CABLES1: variants seen among roughly 807,000 people sequenced by gnomAD.
CABLES1 encodes CDK5 and ABL1 enzyme substrate 1.
A neutral mutation model predicts 57.8 loss-of-function variants in CABLES1; 36 were observed. The ratio of observed to expected loss-of-function variants is 0.62; its 90% confidence interval spans 0.48 to 0.82. The LOEUF (loss-of-function observed/expected upper bound fraction) is 0.82, where lower values mean the gene tolerates loss of function less well. Ranked by LOEUF, CABLES1 falls within the 40% of genes least tolerant of loss-of-function variation. CABLES1 has a pLI of 0.00. For synonymous variants in CABLES1, 374 were observed against 363.0 expected (o/e 1.03, Z -0.35); for missense variants, 767 against 836.6 (o/e 0.92, Z 1.03).
At chr18:23,229,188 G>A (rs891192636) in intron 4 of CABLES1, among the ~76,000 whole-genome samples, 2 of 152,290 alleles carry the variant, frequency 1.3e-5, no homozygotes, top group South Asian at 2.1e-4. Flanking sequence ...TGAGGAGGGC[G>A]GATCAACTGA....
intron 7 of CABLES1, among the ~76,000 whole-genome samples, chr18:23,249,850 C>T (rs996494092): frequency 3.9e-5 from 6 of 152,112 alleles, no homozygotes; most frequent in African/African-American, 1.2e-4. Flanking sequence ...TATTCAGTAC[C>T]ATGAAGGAGA....
At chr18:23,198,619 G>A (rs1344709026) in intron 3 of CABLES1, among the ~76,000 whole-genome samples, 2 of 152,224 alleles carry the variant, frequency 1.3e-5, no homozygotes, top group African/African-American at 2.4e-5. Flanking sequence ...CCTTAAAAGC[G>A]GAAGAAGGAG....
intron 1 of CABLES1, among the ~76,000 whole-genome samples, chr18:23,163,600 A>G (rs1360132711): frequency 6.6e-6 from 1 of 152,032 alleles, no homozygotes; most frequent in African/African-American, 2.4e-5. Context: ...GAGGAGAGAG[A>G]AGAAAGGATG....
At chr18:23,239,029 C>A (rs979463979) in intron 7 of CABLES1, among the ~76,000 whole-genome samples, 73 of 152,230 alleles carry the variant, frequency 4.8e-4, no homozygotes, top group African/African-American at 1.8e-3. Context: ...GCCGACCTCT[C>A]CTTTTATAGG....
intron 7 of CABLES1, among the ~76,000 whole-genome samples, chr18:23,248,190 CGCAGGG>C (rs574144730): frequency 8.9e-4 from 135 of 152,298 alleles, no homozygotes; most frequent in African/African-American, 2.2e-3. Flanking sequence ...GGGAGTGTGG[CGCAGGG>C]GCAGGGGCAG....
chr18:23,147,557 T>A (rs2046899259), intron 1 of CABLES1, among the ~76,000 whole-genome samples: 3 of 152,226 alleles, frequency 2.0e-5, no homozygotes, highest in Admixed American at 2.0e-4. Flanking sequence ...CAAGGTCTGC[T>A]CTGATCGTGA....
chr18:23,257,178 G>C, intron 9 of CABLES1, 49 bp from the exon 10 acceptor site: 2 of 1,600,850 alleles, frequency 1.2e-6, no homozygotes, highest in Non-Finnish European at 1.7e-6. Flanking sequence ...AGAAAGACTA[G>C]GATTTTAATT....
intron 6 of CABLES1, among the ~76,000 whole-genome samples, chr18:23,236,421 T>C (rs896277993): frequency 1.3e-5 from 2 of 152,168 alleles, no homozygotes; most frequent in Admixed American, 6.5e-5. Flanking sequence ...ATCTGGGCTC[T>C]GAAGTGCAGG....
At chr18:23,229,874 A>T (rs1005966420) in intron 4 of CABLES1, among the ~76,000 whole-genome samples, 2 of 152,210 alleles carry the variant, frequency 1.3e-5, no homozygotes, top group Non-Finnish European at 2.9e-5. Context: ...CTGTTAAGCT[A>T]TGTGGCACAA....
intron 4 of CABLES1, among the ~76,000 whole-genome samples, chr18:23,217,698 A>G (rs1184752311): frequency 6.6e-6 from 1 of 152,270 alleles, no homozygotes; most frequent in Non-Finnish European, 1.5e-5. Context: ...AAAGTTTACT[A>G]GTAAATATAC....
chr18:23,144,130 C>G (rs771967380), intron 1 of CABLES1, among the ~76,000 whole-genome samples: 5 of 152,242 alleles, frequency 3.3e-5, no homozygotes, highest in African/African-American at 9.6e-5. Context: ...GCTGCTCTCC[C>G]CATGCTCGTA....
intron 1 of CABLES1, among the ~76,000 whole-genome samples, chr18:23,178,949 C>A (rs777225173): frequency 1.1e-4 from 16 of 152,096 alleles, no homozygotes; most frequent in Non-Finnish European, 1.9e-4. Flanking sequence ...TTGGTTTTTG[C>A]CTGATTCATC....
At position 23,189,674 on chromosome 18, in the gene CABLES1, G is replaced by A. The variant is rs562888752; in HGVS notation, c.917+765G>A. Among the ~76,000 whole-genome samples the A allele has an allele frequency of 5.0e-4, 76 of 152,350 alleles. No individual in the cohort carries two copies. The South Asian group carries it at 8.1e-3, about 16-fold the overall frequency. ...GGGCATCGGGAGGAGGTGAGCTCCT[G>A]TGGACTTCCATCAGCTCCTCCTCGA... On this transcript the variant is annotated intron_variant, in intron 2 of 9. Transcript: ENST00000256925.
chr18:23,174,426 ATTATAT>A (rs1446716468), intron 1 of CABLES1, among the ~76,000 whole-genome samples: 2 of 151,242 alleles, frequency 1.3e-5, no homozygotes, highest in South Asian at 2.1e-4. Context: ...TCTTTCTTTG[ATTATAT>A]TTAGGAGTGG....
At chr18:23,156,940 A>T (rs1334956986) in intron 1 of CABLES1, among the ~76,000 whole-genome samples, 1 of 152,228 alleles carries the variant, frequency 6.6e-6, no homozygotes, top group Non-Finnish European at 1.5e-5. Flanking sequence ...TAAGAAAAAG[A>T]CAAGAATGAG....
intron 3 of CABLES1, among the ~76,000 whole-genome samples, chr18:23,205,181 CTTT>C (rs34690271): frequency 9.9e-5 from 8 of 81,184 alleles, no homozygotes; most frequent in African/African-American, 4.1e-4. Flanking sequence ...TCATTCCTGA[CTTT>C]TTTTTTTTTT....
At chr18:23,227,495 G>A (rs752310141) in intron 4 of CABLES1, among the ~76,000 whole-genome samples, 4 of 152,144 alleles carry the variant, frequency 2.6e-5, no homozygotes, top group Admixed American at 6.5e-5. Context: ...ATGGCTTATC[G>A]ATGGAGTCCT....
chr18:23,207,610 G>T (rs573941419), intron 3 of CABLES1, among the ~76,000 whole-genome samples: 5 of 152,300 alleles, frequency 3.3e-5, no homozygotes, highest in Admixed American at 2.6e-4. Flanking sequence ...CAAGGAGGGA[G>T]CTCTTAGCTG....
At chr18:23,248,512 CTTTTTT>C (rs59555750) in intron 7 of CABLES1, among the ~76,000 whole-genome samples, 925 of 90,722 alleles carry the variant, frequency 0.01, 13 homozygotes, top group African/African-American at 0.038. Context: ...GACCCTATGT[CTTTTTT>C]TTTTTTTTTT....
Sources: allele counts gnomAD v4.1 joint callset (sites outside exome capture counted in the v4.1 genomes callset), GRCh38; gene constraint gnomAD v4.1.1; transcripts MANE v1.5; gene names NCBI Gene and HGNC (gene_info 2026-07-23, HGNC 2026-07-21).